B3GAT1: variants seen among roughly 807,000 people sequenced by gnomAD.
B3GAT1 encodes the protein galactosylgalactosylxylosylprotein 3-beta-glucuronosyltransferase 1.
In B3GAT1, 11 loss-of-function variants were observed where a neutral mutation model predicts 28.4. That is an observed-to-expected ratio of 0.39 (90% CI 0.24 to 0.64). The LOEUF (loss-of-function observed/expected upper bound fraction) is 0.64. B3GAT1 is among the 30% of genes least tolerant of loss of function. B3GAT1 has a pLI of 0.50. For missense variants in B3GAT1, 375 were observed against 491.0 expected, an observed-to-expected ratio of 0.76 and a Z score of 2.23; for synonymous variants, 255 against 223.1, an observed-to-expected ratio of 1.14 and a Z score of -1.27.
At chr11:134,406,816 G>A (rs1047625880) in intron 1 of B3GAT1, among the ~76,000 whole-genome samples, 1 of 152,150 alleles carries the variant, frequency 6.6e-6, no homozygotes, top group African/African-American at 2.4e-5. Context: ...GGCAGAACTA[G>A]GACCTGAATC....
rs1008697352 is a variant in B3GAT1 at position 134,411,351 on chromosome 11, AAG to A, written c.-282+454_-282+455del. Among the ~76,000 whole-genome samples, 2 of 151,870 alleles carry A rather than the reference AAG, an allele frequency of 1.3e-5. No individual in the cohort carries two copies. Among genetic ancestry groups the A allele is most frequent in the African/African-American group, 2.4e-5 (1 of 41,352 alleles). The stretch of plus-strand genomic sequence containing the variant: ...CGCCCCGCAGAGCTCGGGCCCCCTC[AAG>A]AGAGTTAACTTGGCAGTGCCCAGGA... On this transcript the variant is annotated intron_variant, in intron 1 of 5. Coordinates refer to ENST00000312527, the MANE Select transcript of B3GAT1 (RefSeq NM_054025.3). The surrounding 1 kb of genome is among the most constrained non-coding windows in gnomAD (Gnocchi z 6.0).
At position 134,394,086 on chromosome 11, in the gene B3GAT1, G is replaced by C. The variant is rs909549071; in HGVS notation, c.-281-6146C>G. ...CTCCCGGGCCCACCACAGCCCTGCT[G>C]GGGGGCAGGACACAGGCACTGACCT... is the stretch of plus-strand genomic sequence containing the variant. On this transcript the variant is annotated intron_variant, in intron 1 of 5. Transcript: ENST00000312527. 4.5e-4 allele frequency among the ~76,000 whole-genome samples: 68 copies of C among 152,280 alleles called. 1 individual carries two copies. Among genetic ancestry groups the C allele is most frequent in the African/African-American group, 1.5e-3 (63 of 41,578 alleles).
At position 134,397,712 on chromosome 11, in the gene B3GAT1, C is replaced by T. The variant is rs1408896247; in HGVS notation, c.-281-9772G>A. Among the ~76,000 whole-genome samples the T allele has an allele frequency of 1.3e-5, 2 of 152,256 alleles. 1 individual carries two copies. The highest frequency in any genetic ancestry group is 1.3e-4 in the Admixed American group (2 of 15,294). On this transcript the variant is annotated intron_variant, in intron 1 of 5. Coordinates refer to ENST00000312527, the MANE Select transcript of B3GAT1 (RefSeq NM_054025.3). ...TGAGTCAAGATGCCCAAGCGCAAAC[C>T]AGGCCTGGCCATTGCAAACCAGCAC...
In B3GAT1 at chr11:134,384,166, G is replaced by A; in HGVS notation, c.135C>T (p.Arg45=). ...VHKDEGSDPR[R]ETPPGADPRE... is the part of the protein sequence containing the mutation. ...TGGGGTCGGCGCCGGGCGGCGTTTC[G>A]CGTCGGGGGTCACTGCCCTCATCTG... Residue 45 remains arginine (R), a synonymous_variant, in exon 3 of 6, where the codon CGC becomes CGT. Transcript: ENST00000312527. 1.3e-6 allele frequency: 2 copies of A among 1,548,956 alleles called. No individual in the cohort carries two copies. Among genetic ancestry groups the A allele is most frequent in the Non-Finnish European group, 1.7e-6 (2 of 1,147,950 alleles).
At position 134,403,256 on chromosome 11, in the gene B3GAT1, C is replaced by T. The variant is rs185099969; in HGVS notation, c.-282+8551G>A. Among the ~76,000 whole-genome samples, 818 of 152,208 alleles carry T rather than the reference C, an allele frequency of 5.4e-3. 8 individuals are homozygous for T. The highest frequency in any genetic ancestry group is 0.018 in the African/African-American group (757 of 41,526). ...TCCCCAGGTAGACTCTAGGAGTACCCGGCCGATTTCTTTCTCGGGGTCCCG... is the reference window on the plus strand; with the variant it reads ...TCCCCAGGTAGACTCTAGGAGTACCTGGCCGATTTCTTTCTCGGGGTCCCG... On this transcript the variant is annotated intron_variant, in intron 1 of 5. Transcript: ENST00000312527.
intron 1 of B3GAT1, among the ~76,000 whole-genome samples, chr11:134,408,519 T>C (rs9734639): frequency 3.2e-5 from 2 of 63,166 alleles, no homozygotes; most frequent in African/African-American, 1.9e-4. Context: ...CCTGCACCGA[T>C]TCCAGTGGGG....
intron 2 of B3GAT1, chr11:134,385,901 C>T (rs1014574954): frequency 1.3e-5 from 2 of 152,270 alleles, no homozygotes; most frequent in African/African-American, 2.4e-5. Flanking sequence ...AGTCCCCAGC[C>T]TCAGGCAGCA....
rs762585921 is a variant in B3GAT1, at chr11:134,393,717, C to A, written c.-281-5777G>T. Among the ~76,000 whole-genome samples, 1 of 152,206 alleles carries A rather than the reference C, an allele frequency of 6.6e-6. No individual in the cohort carries two copies. The highest frequency in any genetic ancestry group is 6.5e-5 in the Admixed American group (1 of 15,274). On this transcript the variant is annotated intron_variant, in intron 1 of 5. Transcript: ENST00000312527. The surrounding 1 kb of genome is among the most constrained non-coding windows in gnomAD (Gnocchi z 4.0). The stretch of plus-strand genomic sequence containing the variant: ...ACAGGCTGGGAACCGGCGTCACTGA[C>A]TCTTGAGGGCGTGGGCTCAGTGGTG...
At chr11:134,397,125 G>A (rs1944519943) in intron 1 of B3GAT1, among the ~76,000 whole-genome samples, 1 of 152,128 alleles carries the variant, frequency 6.6e-6, no homozygotes, top group Non-Finnish European at 1.5e-5. Flanking sequence ...CATCAGCGGG[G>A]CCTCAGCTCC....
chr11:134,399,020 T>A (rs1053032149), intron 1 of B3GAT1, among the ~76,000 whole-genome samples: 6 of 152,140 alleles, frequency 3.9e-5, no homozygotes, highest in African/African-American at 1.4e-4. Flanking sequence ...GCTACCTGCT[T>A]GCAGGCTGGA....
chr11:134,404,027 A>ATATT lies in B3GAT1; in HGVS notation c.-282+7776_-282+7779dup, dbSNP rs1233350965. On this transcript the variant is annotated intron_variant, in intron 1 of 5. Transcript: ENST00000312527. The stretch of plus-strand genomic sequence containing the variant: ...TATATATATATATATATATATATAT[A>ATATT]TATTTATTATACGTTAAGTTCTAGG... Among the ~76,000 whole-genome samples, 638 of 106,714 alleles carry ATATT rather than the reference A, an allele frequency of 6.0e-3. 18 individuals are homozygous for ATATT. Among genetic ancestry groups the ATATT allele is most frequent in the Middle Eastern group, 0.01 (2 of 196 alleles). 70.0% of individuals were successfully genotyped at this position (106,714 alleles called of 152,430 possible).
In B3GAT1 at chr11:134,384,467, A is replaced by G. The variant is rs185222163; in HGVS notation, c.113-279T>C. On this transcript the variant is annotated intron_variant, in intron 2 of 5. Coordinates refer to ENST00000312527, the MANE Select transcript of B3GAT1 (RefSeq NM_054025.3). ...TGAGCGCAGTTGCCCATATTCCAAG[A>G]TTGCATCCTCAGTTCCTGAATGTGC... is the stretch of plus-strand genomic sequence containing the variant. 174 of 460,660 alleles carry G rather than the reference A, an allele frequency of 3.8e-4. 4 individuals carry two copies. The East Asian group carries it at 5.7e-3, about 15-fold the overall frequency. The allele number at this position is 460,660 out of a possible 1,614,324, so 28.5% of individuals were successfully genotyped here.
rs1243353363 is a variant in B3GAT1, at chr11:134,383,013, G to A, written c.622-7C>T. ...CCCTCCTGGTGCTGCGCATCTACAA[G>A]GGGGGGGTCCAGAGTCAGGGCGCCG... On this transcript the variant is annotated splice_polypyrimidine_tract_variant and splice_region_variant and intron_variant, in intron 3 of 5. Transcript: ENST00000312527. 6.6e-7 allele frequency: 1 copy of A among 1,515,286 alleles called. No individual in the cohort carries two copies. The highest frequency in any genetic ancestry group is 2.4e-5 in the East Asian group (1 of 41,828). The allele number at this position is 1,515,286 out of a possible 1,614,324, so 93.9% of individuals were successfully genotyped here. A position where few individuals can be genotyped will look rare whatever the true frequency, so the allele number is the denominator to read the frequency against.
intron 3 of B3GAT1, among the ~76,000 whole-genome samples, 153 bp from the exon 4 acceptor site, chr11:134,383,159 G>A (rs528380602): frequency 6.6e-6 from 1 of 152,272 alleles, no homozygotes; most frequent in South Asian, 2.1e-4. Flanking sequence ...CTGCCCCCAG[G>A]ACCCATCCCA....
intron 2 of B3GAT1, chr11:134,386,085 C>T (rs75219147): frequency 0.06 from 9,168 of 152,334 alleles, 346 homozygotes; most frequent in Middle Eastern, 0.11. Context: ...GCCCTAGGGT[C>T]GGGAGGAGAG....
rs554187204 is a variant in B3GAT1 at position 134,382,556 on chromosome 11, G to A, written c.918+154C>T. Among the ~76,000 whole-genome samples the A allele has an allele frequency of 2.6e-5, 4 of 152,320 alleles. No individual in the cohort carries two copies. In the South Asian group the frequency reaches 8.3e-4, roughly 32 times the overall value. ...CCTTTCCCTGCCTGTCCGCAGTGTC[G>A]CTGCCTTACAGGTGATACACTGCCT... is the stretch of plus-strand genomic sequence containing the variant. On this transcript the variant is annotated intron_variant, in intron 4 of 5. Coordinates refer to ENST00000312527, the MANE Select transcript of B3GAT1 (RefSeq NM_054025.3).
intron 1 of B3GAT1, among the ~76,000 whole-genome samples, chr11:134,406,568 G>A (rs1380151754): frequency 1.3e-5 from 2 of 151,818 alleles, no homozygotes; most frequent in Non-Finnish European, 2.9e-5. Flanking sequence ...TGGCAGAGTG[G>A]GCTTTTCAAT....
At chr11:134,389,470 A>C (rs1382200275) in intron 1 of B3GAT1, 3 of 152,306 alleles carry the variant, frequency 2.0e-5, no homozygotes, top group Non-Finnish European at 2.9e-5. Flanking sequence ...CAGAGGGTCC[A>C]CTGGTAGCAT....
In B3GAT1 at chr11:134,379,263, C is replaced by A. The variant is rs1056389573; in HGVS notation, c.*1499G>T. On this transcript the variant is annotated 3_prime_UTR_variant, in exon 6 of 6. Coordinates refer to ENST00000312527, the MANE Select transcript of B3GAT1 (RefSeq NM_054025.3). ...CCACTCAGGAGTGGGTTCTGAATGG[C>A]CCTCAGACCTCTCCTGGTGAGTCTT... The A allele has an allele frequency of 2.2e-5, 3 of 137,426 alleles. No individual in the cohort carries two copies. The highest frequency in any genetic ancestry group is 7.9e-5 in the African/African-American group (3 of 38,030). 8.5% of individuals were successfully genotyped at this position (137,426 alleles called of 1,614,324 possible).
Sources: allele counts gnomAD v4.1 joint callset (sites outside exome capture counted in the v4.1 genomes callset), GRCh38; gene constraint gnomAD v4.1.1; non-coding constraint Gnocchi (gnomAD v3.1); transcripts MANE v1.5; gene names NCBI Gene and HGNC (gene_info 2026-07-23, HGNC 2026-07-21).